The following ZNF331 variants were observed in gnomAD, a reference collection of about 807,000 sequenced individuals.
The protein encoded by ZNF331 is zinc finger protein 331, also known as C2H2-like zinc finger protein rearranged in thyroid adenomas.
A neutral mutation model predicts 7.0 loss-of-function variants in ZNF331; 2 were observed. The ratio of observed to expected loss-of-function variants is 0.29; its 90% CI spans 0.12 to 0.90. The LOEUF is 0.90. ZNF331 is among the 40% of genes least tolerant of loss of function. ZNF331 has a pLI of 0.58. For synonymous variants in ZNF331, 196 were observed against 205.4 expected (o/e 0.95, Z 0.39); for missense variants, 432 against 587.7 (o/e 0.74, Z 2.74).
At chr19:53,565,896 T>G (rs2090130600) in intron 3 of ZNF331, among the ~76,000 whole-genome samples, 1 of 152,176 alleles carries the variant, frequency 6.6e-6, no homozygotes, top group South Asian at 2.1e-4. Flanking sequence ...TCTGACTACA[T>G]TTCAAATCAG....
chr19:53,514,690 G>A (rs185802526), upstream of ZNF331, among the ~76,000 whole-genome samples: 41,794 of 131,558 alleles, frequency 0.32, 7,313 homozygotes, highest in Middle Eastern at 0.4. Context: ...TCACACTGTC[G>A]CCCAGGCTGG....
rs1262190522 is a variant in ZNF331, at chr19:53,558,943, AC to A, written c.-74+3036del. Among the ~76,000 whole-genome samples, 2,615 of 103,994 alleles carry A rather than the reference AC, an allele frequency of 0.025. 134 individuals carry two copies. The highest frequency in any genetic ancestry group is 0.13 in the African/African-American group (2,345 of 18,648). 68.2% of individuals were successfully genotyped at this position (103,994 alleles called of 152,430 possible). A position where few individuals can be genotyped will look rare whatever the true frequency, so the allele number is the denominator to read the frequency against. ...ATACACACACATACACACCATACAC[AC>A]ATATACACATACCATATACACACCA... On this transcript the variant is annotated intron_variant, in intron 3 of 5. Transcript: ENST00000449416. This position sits in a 1 kb window ranked among gnomAD's most constrained non-coding sequence, Gnocchi z 4.5.
upstream of ZNF331, among the ~76,000 whole-genome samples, chr19:53,518,217 C>T (rs1203094698): frequency 1.3e-5 from 2 of 152,202 alleles, no homozygotes; most frequent in Non-Finnish European, 2.9e-5. Context: ...TGGATGCTTC[C>T]TTCTGCTTCT....
At chr19:53,537,231 C>T (rs2087791982), upstream of ZNF331, 1 of 152,312 alleles carries the variant, frequency 6.6e-6, no homozygotes, top group Non-Finnish European at 1.5e-5. Context: ...GGTTAAGTAC[C>T]TGCAACATCC....
upstream of ZNF331, among the ~76,000 whole-genome samples, chr19:53,535,845 A>G (rs1023859133): frequency 3.3e-5 from 5 of 149,962 alleles, no homozygotes; most frequent in East Asian, 3.9e-4. Context: ...TTACTCTGTC[A>G]CCCAGGCTGG....
At chr19:53,536,902 TCAAAA>T (rs1414140824), upstream of ZNF331, among the ~76,000 whole-genome samples, 1 of 152,136 alleles carries the variant, frequency 6.6e-6, no homozygotes. Context: ...AAACTCCGTC[TCAAAA>T]CAAACAAACA....
At chr19:53,509,493 C>T in the ZNF331 span, among the ~76,000 whole-genome samples, 11 of 152,090 alleles carry the variant, frequency 7.2e-5, no homozygotes, top group African/African-American at 2.7e-4. Context: ...GAGTCCAATC[C>T]TGCCAATCCT....
chr19:53,546,473 G>A (rs1440503745), intron 2 of ZNF331, among the ~76,000 whole-genome samples: 2 of 147,736 alleles, frequency 1.4e-5, no homozygotes, highest in African/African-American at 5.0e-5. Flanking sequence ...AAACCCATTT[G>A]TCAAATTGTT....
chr19:53,572,484 C>A (rs1020251758), intron 5 of ZNF331, among the ~76,000 whole-genome samples: 55 of 150,928 alleles, frequency 3.6e-4, no homozygotes, highest in Admixed American at 9.3e-4. Flanking sequence ...CAGATCAAGA[C>A]CCCATCGCTA....
intron 2 of ZNF331, among the ~76,000 whole-genome samples, chr19:53,548,117 CT>C (rs1023277078): frequency 1.3e-5 from 2 of 149,090 alleles, no homozygotes; most frequent in Non-Finnish European, 1.5e-5. Flanking sequence ...CTTTTCTTTT[CT>C]TTTTTTTTGA....
chr19:53,504,203 T>G, the ZNF331 span: 13 of 329,596 alleles, frequency 3.9e-5, no homozygotes, highest in Non-Finnish European at 7.7e-5. Context: ...CAATGATCAG[T>G]GCAGGTTTCC....
At chr19:53,511,545 G>A in the ZNF331 span, among the ~76,000 whole-genome samples, 1 of 152,014 alleles carries the variant, frequency 6.6e-6, no homozygotes, top group Non-Finnish European at 1.5e-5. Context: ...AATACATCTT[G>A]ACTCAGTTTA....
chr19:53,513,326 C>A, the ZNF331 span, among the ~76,000 whole-genome samples: 3 of 151,900 alleles, frequency 2.0e-5, no homozygotes, highest in African/African-American at 7.2e-5. Flanking sequence ...GACGCATACT[C>A]AGAGGTAGGA....
At chr19:53,559,307 A>AC (rs1294437666) in intron 3 of ZNF331, among the ~76,000 whole-genome samples, 1 of 149,300 alleles carries the variant, frequency 6.7e-6, no homozygotes, top group Non-Finnish European at 1.5e-5. Flanking sequence ...ATACAAACAC[A>AC]CCCCATGTAC....
chr19:53,561,672 G>A (rs753677661), intron 3 of ZNF331, among the ~76,000 whole-genome samples: 8 of 152,146 alleles, frequency 5.3e-5, no homozygotes, highest in Non-Finnish European at 8.8e-5. Flanking sequence ...GAGCAACATA[G>A]TGAGACCTCA....
In ZNF331 at chr19:53,578,388, A is replaced by C. The variant is rs563201827; in HGVS notation, c.*436A>C. 1.5e-4 allele frequency: 35 copies of C among 237,198 alleles called. No homozygotes were observed. The highest frequency in any genetic ancestry group is 6.2e-4 in the African/African-American group (28 of 45,378). 14.7% of individuals were successfully genotyped at this position (237,198 alleles called of 1,614,324 possible). ...TGAAAAGGTGAAAGTTCTCAACTTA[A>C]AAAAGAAAAGAAAAAAATCATATAC... On this transcript the variant is annotated 3_prime_UTR_variant, in exon 6 of 6. Coordinates refer to ENST00000449416, the MANE Select transcript of ZNF331 (RefSeq NM_001079906.2).
intron 2 of ZNF331, among the ~76,000 whole-genome samples, chr19:53,531,095 AG>A (rs1199960742): frequency 6.6e-6 from 1 of 152,172 alleles, no homozygotes; most frequent in East Asian, 1.9e-4. Flanking sequence ...GAAAGACCCT[AG>A]CTTCTCAGTC....
chr19:53,554,272 A>C (rs1335463242), intron 2 of ZNF331, among the ~76,000 whole-genome samples: 8 of 152,202 alleles, frequency 5.3e-5, no homozygotes, highest in Admixed American at 5.2e-4. Flanking sequence ...TGCATGTGTC[A>C]GCGTCTGTGC....
intron 2 of ZNF331, among the ~76,000 whole-genome samples, chr19:53,531,852 A>C (rs541183187): frequency 1.4e-4 from 21 of 152,330 alleles, no homozygotes; most frequent in Non-Finnish European, 2.8e-4. Context: ...AGAGTTGGCA[A>C]ATTTTTTTCT....
Sources: allele counts gnomAD v4.1 joint callset (sites outside exome capture counted in the v4.1 genomes callset), GRCh38; gene constraint gnomAD v4.1.1; non-coding constraint Gnocchi (gnomAD v3.1); transcripts MANE v1.5; gene names NCBI Gene and HGNC (gene_info 2026-07-23, HGNC 2026-07-21).